The following KCNAB1 variants were observed in gnomAD, a reference collection of about 807,000 sequenced individuals.
The protein encoded by KCNAB1 is voltage-gated potassium channel subunit beta-1.
KCNAB1 carries 35 observed loss-of-function variants against 64.6 expected under a neutral mutation model. The ratio of observed to expected loss-of-function variants is 0.54; its 90% CI spans 0.41 to 0.72. The LOEUF (loss-of-function observed/expected upper bound fraction) is 0.72, where lower values mean the gene tolerates loss of function less well. KCNAB1 is among the 30% of genes least tolerant of loss of function. The pLI is 0.00. For synonymous variants in KCNAB1, 177 were observed against 183.8 expected, an observed-to-expected ratio of 0.96 and a Z score of 0.30; for missense variants, 401 against 512.9, an observed-to-expected ratio of 0.78 and a Z score of 2.11.
chr3:156,527,128 CCTTT>C (rs1305150087), intron 12 of KCNAB1, among the ~76,000 whole-genome samples: 4 of 152,090 alleles, frequency 2.6e-5, no homozygotes. Context: ...GTGCTTTAAT[CCTTT>C]CTTCAAAAAA....
intron 8 of KCNAB1, among the ~76,000 whole-genome samples, chr3:156,501,103 C>T (rs955484736): frequency 6.6e-6 from 1 of 152,180 alleles, no homozygotes; most frequent in African/African-American, 2.4e-5. Context: ...CAATACAGAA[C>T]ACCAGTATGA....
chr3:156,220,904 G>A (rs1715683243), intron 1 of KCNAB1, among the ~76,000 whole-genome samples: 1 of 152,150 alleles, frequency 6.6e-6, no homozygotes, highest in Non-Finnish European at 1.5e-5. Flanking sequence ...TAAGGTGTAA[G>A]GAAGGGATCC....
At position 156,181,440 on chromosome 3, in the gene KCNAB1, G is replaced by A. The variant is rs531841419; in HGVS notation, c.275+60554G>A. Reference sequence around the variant, plus strand: ...TGCTTACACTGGTGGGCACTGGAGTGATTTGAAATTCTCTAGCAGTGGAGT... The same window carrying A: ...TGCTTACACTGGTGGGCACTGGAGTAATTTGAAATTCTCTAGCAGTGGAGT... On this transcript the variant is annotated intron_variant, in intron 1 of 13. Transcript: ENST00000490337. Among the ~76,000 whole-genome samples the A allele has an allele frequency of 7.9e-4, 120 of 152,328 alleles. 1 individual carries two copies. The Middle Eastern group carries it at 0.02, about 26-fold the overall frequency.
chr3:156,152,956 C>T (rs370846176), intron 1 of KCNAB1, among the ~76,000 whole-genome samples: 1 of 152,158 alleles, frequency 6.6e-6, no homozygotes, highest in East Asian at 1.9e-4. Context: ...TTCCTTTTGG[C>T]GCACTTATTT....
At chr3:156,414,119 A>G (rs548965844) in intron 1 of KCNAB1, among the ~76,000 whole-genome samples, 86 of 152,344 alleles carry the variant, frequency 5.6e-4, no homozygotes, top group African/African-American at 2.0e-3. Flanking sequence ...CTAAAGAGAA[A>G]GTGAGATATT....
chr3:156,352,832 GC>G (rs1300301993), intron 1 of KCNAB1, among the ~76,000 whole-genome samples: 1 of 152,242 alleles, frequency 6.6e-6, no homozygotes, highest in East Asian at 1.9e-4. Flanking sequence ...CATTCCTGCT[GC>G]CTGCCCTGTT....
chr3:156,246,234 A>G (rs1214459153), intron 1 of KCNAB1, among the ~76,000 whole-genome samples: 1 of 152,200 alleles, frequency 6.6e-6, no homozygotes, highest in Non-Finnish European at 1.5e-5. Flanking sequence ...AAAATTCGCA[A>G]TATATGTTTG....
At chr3:156,127,087 G>A (rs1419968956) in intron 1 of KCNAB1, among the ~76,000 whole-genome samples, 2 of 152,128 alleles carry the variant, frequency 1.3e-5, no homozygotes, top group African/African-American at 4.8e-5. Flanking sequence ...AAATCATCTG[G>A]TGTAGATTAG....
intron 1 of KCNAB1, among the ~76,000 whole-genome samples, chr3:156,406,028 T>C (rs774130028): frequency 7.9e-5 from 12 of 152,194 alleles, no homozygotes; most frequent in Non-Finnish European, 1.6e-4. Context: ...TGGGACAGTG[T>C]ATAGCACAGA....
chr3:156,462,306 A>G (rs1005804796), intron 5 of KCNAB1, among the ~76,000 whole-genome samples: 1 of 152,236 alleles, frequency 6.6e-6, no homozygotes, highest in Non-Finnish European at 1.5e-5. Flanking sequence ...AGTCTGTGGC[A>G]GTGTTTGTAT....
intron 1 of KCNAB1, among the ~76,000 whole-genome samples, chr3:156,410,318 T>C (rs1293724861): frequency 1.3e-5 from 2 of 152,180 alleles, no homozygotes; most frequent in Non-Finnish European, 2.9e-5. Context: ...TTTTTTGTTA[T>C]TGTTGTTCTT....
At chr3:156,129,038 C>T (rs541618597) in intron 1 of KCNAB1, among the ~76,000 whole-genome samples, 5 of 93,844 alleles carry the variant, frequency 5.3e-5, no homozygotes, top group South Asian at 2.9e-4. Flanking sequence ...GCCTTCTTCC[C>T]GGGGCTTTTA....
At chr3:156,287,880 T>G (rs1479116538) in intron 1 of KCNAB1, among the ~76,000 whole-genome samples, 3 of 152,150 alleles carry the variant, frequency 2.0e-5, no homozygotes, top group East Asian at 3.8e-4. Context: ...CATGATCTAA[T>G]AACTTTTAGA....
chr3:156,531,926 A>G (rs932701359), intron 13 of KCNAB1, among the ~76,000 whole-genome samples: 2 of 151,984 alleles, frequency 1.3e-5, no homozygotes, highest in African/African-American at 4.8e-5. Context: ...CCCTCCCATG[A>G]TCTTTTATGA....
intron 7 of KCNAB1, among the ~76,000 whole-genome samples, chr3:156,468,503 C>G (rs1319583439): frequency 2.0e-5 from 3 of 151,992 alleles, no homozygotes; most frequent in Non-Finnish European, 4.4e-5. Context: ...TGTTCAAGTT[C>G]CAACTCTGTG....
chr3:156,495,370 C>T (rs1715940731), intron 8 of KCNAB1, among the ~76,000 whole-genome samples: 2 of 152,126 alleles, frequency 1.3e-5, no homozygotes, highest in South Asian at 4.1e-4. Context: ...CCAGCAATCC[C>T]ATTACTGGGT....
At chr3:156,395,652 C>T (rs1713412348) in intron 1 of KCNAB1, among the ~76,000 whole-genome samples, 1 of 145,750 alleles carries the variant, frequency 6.9e-6, no homozygotes, top group African/African-American at 2.5e-5. Flanking sequence ...GCTAGTGCTG[C>T]AAATTTTATT....
At chr3:156,432,795 C>T (rs754049273) in intron 2 of KCNAB1, among the ~76,000 whole-genome samples, 2 of 152,166 alleles carry the variant, frequency 1.3e-5, no homozygotes, top group African/African-American at 2.4e-5. Context: ...TGTAACTGCT[C>T]TCTGAAGAAT....
chr3:156,247,314 T>G (rs1462408252), intron 1 of KCNAB1, among the ~76,000 whole-genome samples: 2 of 152,224 alleles, frequency 1.3e-5, no homozygotes, highest in Non-Finnish European at 1.5e-5. Flanking sequence ...CAGTCACTTC[T>G]GCAGCATTCT....
Sources: allele counts gnomAD v4.1 joint callset (sites outside exome capture counted in the v4.1 genomes callset), GRCh38; gene constraint gnomAD v4.1.1; transcripts MANE v1.5; gene names NCBI Gene and HGNC (gene_info 2026-07-23, HGNC 2026-07-21).